NRG2: variants seen among roughly 807,000 people sequenced by gnomAD.
The protein encoded by NRG2 is pro-neuregulin-2, membrane-bound isoform.
NRG2 carries 27 observed loss-of-function variants against 73.9 expected under a neutral mutation model. That is an observed-to-expected ratio of 0.37 (90% confidence interval 0.27 to 0.50). NRG2 has a LOEUF of 0.50. NRG2 is among the 20% of genes least tolerant of loss of function. The pLI is 0.96. For missense variants in NRG2, 1,126 were observed against 1,210.1 expected, an observed-to-expected ratio of 0.93 and a Z score of 1.03; for synonymous variants, 532 against 541.0, an observed-to-expected ratio of 0.98 and a Z score of 0.23.
chr5:139,922,154 T>C (rs1462723112), intron 1 of NRG2, among the ~76,000 whole-genome samples: 2 of 149,296 alleles, frequency 1.3e-5, no homozygotes, highest in African/African-American at 2.5e-5. Flanking sequence ...AATAAACAGA[T>C]AAAATATTTG....
intron 1 of NRG2, among the ~76,000 whole-genome samples, chr5:140,013,964 T>A (rs1253252232): frequency 6.6e-6 from 1 of 152,202 alleles, no homozygotes; most frequent in East Asian, 1.9e-4. Context: ...TTTAATATTG[T>A]AGTGTCTAGG....
At chr5:139,848,825 G>C in intron 9 of NRG2, 128 bp from the exon 10 acceptor site, 1 of 849,042 alleles carries the variant, frequency 1.2e-6, no homozygotes, top group South Asian at 1.9e-5. Context: ...GACCCCGCCT[G>C]CAAGAATGAC....
At chr5:139,860,915 TAGG>T (rs1762106409) in intron 5 of NRG2, among the ~76,000 whole-genome samples, 1 of 152,096 alleles carries the variant, frequency 6.6e-6, no homozygotes, top group Admixed American at 6.5e-5. Flanking sequence ...CATAGGATCC[TAGG>T]AGGTTTGCAA....
At chr5:139,996,283 A>G (rs1224323660) in intron 1 of NRG2, among the ~76,000 whole-genome samples, 1 of 152,214 alleles carries the variant, frequency 6.6e-6, no homozygotes, top group Non-Finnish European at 1.5e-5. Flanking sequence ...CTTTGATGTC[A>G]ATAAATAAAC....
rs1350631645 is a variant in NRG2 at position 140,000,006 on chromosome 5, C to T, written c.700+42364G>A. ...GGTTATTTTTATTCTTTTCTTTATA[C>T]GCTCATGCATTTTCTACAATGAATG... On this transcript the variant is annotated intron_variant, in intron 1 of 9. Coordinates refer to ENST00000361474, the MANE Select transcript of NRG2 (RefSeq NM_004883.3). 3.9e-5 allele frequency among the ~76,000 whole-genome samples: 6 copies of T among 152,258 alleles called. No homozygotes were observed. The East Asian group carries it at 5.8e-4, about 15-fold the overall frequency.
At chr5:139,890,398 T>A (rs1764130164) in intron 1 of NRG2, among the ~76,000 whole-genome samples, 1 of 152,154 alleles carries the variant, frequency 6.6e-6, no homozygotes, top group Non-Finnish European at 1.5e-5. Flanking sequence ...TTTTTTCCCC[T>A]CAGTTACCTG....
chr5:139,931,174 GC>G (rs1227188680), intron 1 of NRG2, among the ~76,000 whole-genome samples: 1 of 152,180 alleles, frequency 6.6e-6, no homozygotes, highest in African/African-American at 2.4e-5. Flanking sequence ...AGTATAAAGT[GC>G]TCAGGCCAAG....
chr5:139,981,167 G>A (rs572017956), intron 1 of NRG2, among the ~76,000 whole-genome samples: 5 of 152,202 alleles, frequency 3.3e-5, no homozygotes, highest in Admixed American at 6.5e-5. Context: ...GCAGACGAGA[G>A]CTGTTGCTGA....
At chr5:139,932,250 G>C (rs927300885) in intron 1 of NRG2, among the ~76,000 whole-genome samples, 1 of 149,968 alleles carries the variant, frequency 6.7e-6, no homozygotes, top group Admixed American at 6.6e-5. Flanking sequence ...GTGTGTGTGT[G>C]TGTGTGTGTG....
At chr5:139,997,921 C>T (rs756184993) in intron 1 of NRG2, among the ~76,000 whole-genome samples, 3 of 152,204 alleles carry the variant, frequency 2.0e-5, no homozygotes, top group Admixed American at 6.5e-5. Flanking sequence ...TGAGGATTGC[C>T]CCTCTAGGTA....
chr5:139,938,149 G>A (rs1027696914), intron 1 of NRG2, among the ~76,000 whole-genome samples: 1 of 152,156 alleles, frequency 6.6e-6, no homozygotes, highest in African/African-American at 2.4e-5. Context: ...ATGGAAATAC[G>A]TGTTCATGGA....
At chr5:140,023,232 T>G (rs1259243793) in intron 1 of NRG2, among the ~76,000 whole-genome samples, 8 of 152,236 alleles carry the variant, frequency 5.3e-5, no homozygotes, top group Non-Finnish European at 1.0e-4. Context: ...CTCTTTAATC[T>G]GGTCCTGCCC....
At chr5:139,871,993 CAAAT>C (rs1365993812) in intron 3 of NRG2, 152 bp from the exon 4 acceptor site, 1 of 1,079,128 alleles carries the variant, frequency 9.3e-7, no homozygotes, top group East Asian at 2.6e-5. Context: ...CTTCTAGTCA[CAAAT>C]AAGGCAAAGG....
intron 1 of NRG2, among the ~76,000 whole-genome samples, chr5:139,985,858 A>T (rs1048202888): frequency 6.6e-6 from 1 of 151,936 alleles, no homozygotes; most frequent in Non-Finnish European, 1.5e-5. Context: ...GCAATTATCC[A>T]CACTCCCCCC....
At chr5:139,878,640 A>G (rs1344697917) in intron 3 of NRG2, among the ~76,000 whole-genome samples, 6 of 152,262 alleles carry the variant, frequency 3.9e-5, no homozygotes, top group Non-Finnish European at 2.9e-5. Flanking sequence ...AAGCCAATAA[A>G]TAAATCCCTT....
intron 1 of NRG2, among the ~76,000 whole-genome samples, chr5:139,933,362 T>C (rs778495710): frequency 4.0e-5 from 6 of 151,466 alleles, no homozygotes; most frequent in Admixed American, 3.3e-4. Flanking sequence ...AGTAAAATAC[T>C]GTAAAACCAT....
intron 1 of NRG2, among the ~76,000 whole-genome samples, chr5:140,010,934 G>C (rs754736578): frequency 2.0e-5 from 3 of 152,212 alleles, no homozygotes; most frequent in Non-Finnish European, 4.4e-5. Flanking sequence ...CTACTGCCTT[G>C]CCTTGGTGCA....
chr5:140,043,121 G>C lies in NRG2; in HGVS notation c.-52C>G. 3 of 1,557,424 alleles carry C rather than the reference G, an allele frequency of 1.9e-6. No homozygotes were observed. The highest frequency in any genetic ancestry group is 2.4e-5 in the East Asian group (1 of 42,338). On this transcript the variant is annotated 5_prime_UTR_variant, in exon 1 of 10. Coordinates refer to ENST00000361474, the MANE Select transcript of NRG2 (RefSeq NM_004883.3). This position sits in a 1 kb window ranked among gnomAD's most constrained non-coding sequence, Gnocchi z 6.7. ...CCGCTCAGCCGCCGCCGCCTTGGGA[G>C]GGGAAACAGAGCCCGCTGGAAAACC...
chr5:140,006,250 A>C (rs534140738), intron 1 of NRG2, among the ~76,000 whole-genome samples: 2 of 152,338 alleles, frequency 1.3e-5, no homozygotes, highest in East Asian at 3.9e-4. Context: ...GCAGTATTAT[A>C]AACAAAATGG....
Sources: gnomAD v4.1 joint callset for allele counts (sites outside exome capture counted in the v4.1 genomes callset) on GRCh38, gnomAD v4.1.1 for gene constraint, Gnocchi (gnomAD v3.1) non-coding constraint, MANE v1.5 for transcripts, NCBI Gene and HGNC (gene_info 2026-07-23, HGNC 2026-07-21) for gene names.